Variants in NCOA1 observed in about 807,000 individuals in gnomAD.
NCOA1 encodes the protein nuclear receptor coactivator 1.
In NCOA1, 35 loss-of-function variants were observed where a neutral mutation model predicts 150.9. The ratio of observed to expected loss-of-function variants is 0.23; its 90% CI spans 0.18 to 0.31. NCOA1 has a LOEUF of 0.31. NCOA1 is among the 10% of genes least tolerant of loss of function. NCOA1 has a pLI of 1.00. For synonymous variants in NCOA1, 590 were observed against 630.0 expected (o/e 0.94, Z 0.95); for missense variants, 1,491 against 1,749.3 (o/e 0.85, Z 2.63).
chr2:24,550,175 C>G (rs1572407857), intron 1 of NCOA1, among the ~76,000 whole-genome samples: 1 of 152,298 alleles, frequency 6.6e-6, no homozygotes, highest in African/African-American at 2.4e-5. Context: ...CCACATTTTC[C>G]TCTCTTCTTC....
intron 4 of NCOA1, among the ~76,000 whole-genome samples, chr2:24,645,276 G>C: frequency 6.6e-6 from 1 of 151,320 alleles, no homozygotes; most frequent in Non-Finnish European, 1.5e-5. Context: ...TGAATTATGA[G>C]GTCAGGAGAT....
At chr2:24,518,826 A>C (rs1664308195) in intron 1 of NCOA1, among the ~76,000 whole-genome samples, 1 of 152,192 alleles carries the variant, frequency 6.6e-6, no homozygotes, top group Non-Finnish European at 1.5e-5. Flanking sequence ...AAATTAAGAT[A>C]ACCTAAGCAA....
At chr2:24,693,438 T>C in intron 10 of NCOA1, 91 bp downstream of exon 10, 1 of 1,151,432 alleles carries the variant, frequency 8.7e-7, no homozygotes, top group Non-Finnish European at 1.3e-6. Flanking sequence ...CTTTCTGTTC[T>C]ATGAGATTTA....
chr2:24,617,522 A>ATGTGT (rs1411194622), intron 3 of NCOA1, among the ~76,000 whole-genome samples: 5 of 152,082 alleles, frequency 3.3e-5, no homozygotes, highest in Non-Finnish European at 7.4e-5. Context: ...ACTATCATTA[A>ATGTGT]TGTGTTAGTG....
At chr2:24,592,118 GA>G (rs1220819377) in intron 3 of NCOA1, among the ~76,000 whole-genome samples, 1 of 152,128 alleles carries the variant, frequency 6.6e-6, no homozygotes, top group Non-Finnish European at 1.5e-5. Flanking sequence ...TTTAATAACT[GA>G]AAACGTCGCT....
intron 11 of NCOA1, among the ~76,000 whole-genome samples, chr2:24,701,355 C>T (rs565952702): frequency 2.0e-5 from 3 of 151,668 alleles, no homozygotes; most frequent in East Asian, 1.9e-4. Flanking sequence ...AATAAAAATA[C>T]AAAAATTAGC....
At chr2:24,703,253 T>G (rs1673253035) in intron 11 of NCOA1, among the ~76,000 whole-genome samples, 1 of 152,198 alleles carries the variant, frequency 6.6e-6, no homozygotes, top group South Asian at 2.1e-4. Context: ...CTGTTACTCT[T>G]TTCATTGATT....
At chr2:24,522,173 C>T (rs1664443750) in intron 1 of NCOA1, among the ~76,000 whole-genome samples, 2 of 152,176 alleles carry the variant, frequency 1.3e-5, no homozygotes, top group Non-Finnish European at 2.9e-5. Flanking sequence ...CATGGACTGA[C>T]TCATTTTCTC....
intron 3 of NCOA1, among the ~76,000 whole-genome samples, chr2:24,627,111 G>C (rs938120209): frequency 1.9e-5 from 2 of 107,450 alleles, no homozygotes; most frequent in Admixed American, 1.2e-4. Flanking sequence ...CTGTTTTTTT[G>C]TTTTTTGCTG....
intron 7 of NCOA1, 150 bp from the exon 8 acceptor site, chr2:24,682,801 G>GTC (rs1311240302): frequency 2.1e-6 from 1 of 478,860 alleles, no homozygotes; most frequent in South Asian, 2.7e-5. Flanking sequence ...TTATGTTTAT[G>GTC]TCTCTCTCTC....
chr2:24,726,229 C>T (rs1238555462), intron 14 of NCOA1, among the ~76,000 whole-genome samples: 6 of 152,072 alleles, frequency 3.9e-5, no homozygotes, highest in Admixed American at 2.0e-4. Context: ...GTGGTGATGA[C>T]ACTGTGTTAC....
chr2:24,753,143 A>G (rs553219490), intron 20 of NCOA1, among the ~76,000 whole-genome samples: 1 of 152,270 alleles, frequency 6.6e-6, no homozygotes, highest in Admixed American at 6.5e-5. Flanking sequence ...ATGGAACCAT[A>G]TCTGTAATAC....
chr2:24,641,066 ACTTT>A (rs1375435161), intron 3 of NCOA1, among the ~76,000 whole-genome samples: 1 of 151,896 alleles, frequency 6.6e-6, no homozygotes, highest in Admixed American at 6.6e-5. Flanking sequence ...TTTTAGCTAT[ACTTT>A]CTTATATTTT....
intron 3 of NCOA1, among the ~76,000 whole-genome samples, chr2:24,635,685 A>G (rs1347815175): frequency 6.6e-6 from 1 of 152,132 alleles, no homozygotes; most frequent in African/African-American, 2.4e-5. Flanking sequence ...ATCAAAAGGA[A>G]TCTCATCCCC....
At chr2:24,695,569 A>G (rs1301398742) in intron 10 of NCOA1, among the ~76,000 whole-genome samples, 1 of 152,224 alleles carries the variant, frequency 6.6e-6, no homozygotes, top group East Asian at 1.9e-4. Context: ...CTTAGCTAAA[A>G]AGAATAAGTA....
At chr2:24,742,446 C>T (rs903002150) in intron 19 of NCOA1, among the ~76,000 whole-genome samples, 4 of 151,608 alleles carry the variant, frequency 2.6e-5, no homozygotes, top group East Asian at 1.9e-4. Context: ...ATGCAAAGTA[C>T]GTTCCCCCTT....
chr2:24,566,470 C>T (rs560452688), intron 2 of NCOA1, among the ~76,000 whole-genome samples: 5 of 152,288 alleles, frequency 3.3e-5, no homozygotes, highest in East Asian at 1.9e-4. Context: ...ATCCTCTCCT[C>T]GAATTTGGCT....
chr2:24,522,909 G>A (rs1339010845), intron 1 of NCOA1, among the ~76,000 whole-genome samples: 1 of 152,096 alleles, frequency 6.6e-6, no homozygotes, highest in East Asian at 1.9e-4. Flanking sequence ...GAGAAGGGAG[G>A]ATTGAGTATT....
intron 1 of NCOA1, among the ~76,000 whole-genome samples, chr2:24,492,547 G>T (rs1406099116): frequency 6.6e-6 from 1 of 152,206 alleles, no homozygotes; most frequent in Non-Finnish European, 1.5e-5. Flanking sequence ...ACAGGCCACG[G>T]TGTTGTGTCC....
Sources: gnomAD v4.1 joint callset for allele counts (sites outside exome capture counted in the v4.1 genomes callset) on GRCh38, gnomAD v4.1.1 for gene constraint, MANE v1.5 for transcripts, NCBI Gene and HGNC (gene_info 2026-07-23, HGNC 2026-07-21) for gene names.